Variants in XIRP2 observed in about 807,000 individuals in gnomAD.
XIRP2 encodes the protein xin actin binding repeat containing 2, also known as xin actin-binding repeat-containing protein 2.
In XIRP2, 236 loss-of-function variants were observed where a neutral mutation model predicts 277.0. The observed-to-expected ratio is 0.85, with a 90% confidence interval of 0.77 to 0.95. The LOEUF (loss-of-function observed/expected upper bound fraction) is 0.95, where lower values mean the gene tolerates loss of function less well. Among genes scored for constraint, XIRP2 ranks in the 40% least tolerant of loss-of-function variants. The pLI, the probability that XIRP2 is intolerant of heterozygous loss-of-function variation, is 0.00. For missense variants in XIRP2, 4,640 were observed against 4,157.5 expected (o/e 1.12, Z -3.19); for synonymous variants, 1,490 against 1,416.5 (o/e 1.05, Z -1.17).
chr2:167,020,492 A>G (rs1428497946), intron 2 of XIRP2, among the ~76,000 whole-genome samples: 1 of 152,050 alleles, frequency 6.6e-6, no homozygotes, highest in Non-Finnish European at 1.5e-5. Flanking sequence ...AACACCATGT[A>G]TTATATAAAC....
intron 5 of XIRP2, among the ~76,000 whole-genome samples, chr2:167,223,385 G>A (rs370939843): frequency 4.6e-5 from 7 of 152,078 alleles, no homozygotes; most frequent in African/African-American, 9.7e-5. Context: ...ACTCTGATGC[G>A]CTGAGTGACA....
intron 2 of XIRP2, among the ~76,000 whole-genome samples, chr2:166,965,733 A>G (rs910434327): frequency 4.0e-5 from 6 of 151,730 alleles, no homozygotes; most frequent in African/African-American, 1.5e-4. Context: ...ACAAGCATGC[A>G]CCACTATGCC....
At chr2:167,048,041 A>G (rs1688829171) in intron 2 of XIRP2, among the ~76,000 whole-genome samples, 1 of 151,980 alleles carries the variant, frequency 6.6e-6, no homozygotes, top group South Asian at 2.1e-4. Flanking sequence ...TCTGAAAGAC[A>G]TTAACTACCT....
At chr2:167,093,153 C>T (rs74920309) in intron 2 of XIRP2, among the ~76,000 whole-genome samples, 2,217 of 151,516 alleles carry the variant, frequency 0.015, 62 homozygotes, top group African/African-American at 0.051. Flanking sequence ...ATAATAGATG[C>T]GTAATCAATG....
intron 2 of XIRP2, among the ~76,000 whole-genome samples, chr2:167,025,375 G>A (rs913304527): frequency 5.1e-4 from 78 of 152,014 alleles, no homozygotes; most frequent in South Asian, 8.3e-4. Context: ...CTAGCGGTCT[G>A]TCAATTTTGT....
chr2:166,937,676 G>A (rs1462124435), intron 2 of XIRP2, among the ~76,000 whole-genome samples: 1 of 152,172 alleles, frequency 6.6e-6, no homozygotes, highest in Non-Finnish European at 1.5e-5. Context: ...AATCGTACCA[G>A]CTCCTCCTTG....
At chr2:167,004,407 A>G (rs1288464408) in intron 2 of XIRP2, among the ~76,000 whole-genome samples, 2 of 151,930 alleles carry the variant, frequency 1.3e-5, no homozygotes, top group Admixed American at 6.6e-5. Flanking sequence ...ACTATTTGCC[A>G]GACATTCTAT....
intron 3 of XIRP2, among the ~76,000 whole-genome samples, chr2:167,181,516 T>C (rs1693007268): frequency 6.6e-6 from 1 of 152,196 alleles, no homozygotes; most frequent in South Asian, 2.1e-4. Flanking sequence ...TAGTAATTAA[T>C]GTTATTTTTT....
At chr2:167,062,397 C>T (rs555419334) in intron 2 of XIRP2, among the ~76,000 whole-genome samples, 14 of 152,288 alleles carry the variant, frequency 9.2e-5, no homozygotes, top group Non-Finnish European at 1.8e-4. Context: ...ACTTTTTATA[C>T]TTTCCTCAGT....
rs559626310 is a variant in XIRP2 at position 167,246,843 on chromosome 2, T to G, written c.5451T>G (p.Val1817=). ...TCCCTGGAGATGTGCATAACACAGTTAAGGTTTTTATGACCGAGCCTCAGA... is the reference window on the plus strand; with the variant it reads ...TCCCTGGAGATGTGCATAACACAGTGAAGGTTTTTATGACCGAGCCTCAGA... ...DIIPGDVHNT[V]KVFMTEPQST... The change falls in exon 9 of 11, where the codon GTT becomes GTG. Residue 1817 remains valine, a synonymous_variant. Coordinates refer to ENST00000409195, the MANE Select transcript of XIRP2 (RefSeq NM_152381.6). 1 of 1,613,852 alleles carries G rather than the reference T, an allele frequency of 6.2e-7. No individual in the cohort carries two copies. Among genetic ancestry groups the G allele is most frequent in the South Asian group, 1.1e-5 (1 of 91,076 alleles).
chr2:167,247,448 C>G lies in XIRP2; in HGVS notation c.6056C>G (p.Pro2019Arg), dbSNP rs769123643. 6.2e-7 allele frequency: 1 copy of G among 1,613,598 alleles called. No individual in the cohort carries two copies. The highest frequency in any genetic ancestry group is 1.1e-5 in the South Asian group (1 of 91,066). The part of the protein sequence containing the change: ...LVEERTEVNL[P>R]KAPKGTVKIV... ...GAAGAAAGAACTGAGGTTAATCTTC[C>G]AAAAGCCCCCAAAGGCACTGTAAAG... Residue 2019 changes from proline to arginine, a missense_variant, in exon 9 of 11, where the codon CCA (proline) becomes CGA (arginine). By Grantham distance (103) the Pro-to-Arg change is moderately radical (BLOSUM62 -2). Coordinates refer to ENST00000409195, the MANE Select transcript of XIRP2 (RefSeq NM_152381.6).
chr2:166,896,289 G>C (rs1161302027), intron 1 of XIRP2, among the ~76,000 whole-genome samples: 1 of 152,062 alleles, frequency 6.6e-6, no homozygotes, highest in African/African-American at 2.4e-5. Flanking sequence ...GCCTCAGACA[G>C]GGTCTTCAGT....
At chr2:167,071,451 A>C (rs1244425457) in intron 2 of XIRP2, among the ~76,000 whole-genome samples, 1 of 152,222 alleles carries the variant, frequency 6.6e-6, no homozygotes, top group Non-Finnish European at 1.5e-5. Context: ...CAAGCCTGCC[A>C]AGACACCTGG....
intron 3 of XIRP2, among the ~76,000 whole-genome samples, chr2:167,149,057 T>C (rs780034102): frequency 2.0e-5 from 3 of 152,140 alleles, no homozygotes; most frequent in Middle Eastern, 3.4e-3. Flanking sequence ...ACTGTACACA[T>C]AGGAGTGAAA....
At chr2:167,026,962 GA>G (rs1180603361) in intron 2 of XIRP2, among the ~76,000 whole-genome samples, 1 of 152,056 alleles carries the variant, frequency 6.6e-6, no homozygotes, top group Non-Finnish European at 1.5e-5. Context: ...CAACTTTGGT[GA>G]ATCTGACAAT....
intron 2 of XIRP2, among the ~76,000 whole-genome samples, chr2:167,122,340 G>A (rs796372964): frequency 3.9e-5 from 6 of 152,246 alleles, no homozygotes; most frequent in African/African-American, 1.4e-4. Context: ...TGTAAAATGA[G>A]AGCACAGTAC....
intron 2 of XIRP2, among the ~76,000 whole-genome samples, chr2:166,928,474 T>A (rs1685245987): frequency 6.6e-6 from 1 of 152,118 alleles, no homozygotes; most frequent in South Asian, 2.1e-4. Context: ...TGCATTAACT[T>A]TTTCACTTTA....
In XIRP2 at chr2:167,219,984, T is replaced by G. The variant is rs1346752279; in HGVS notation, c.858+1684T>G. Among the ~76,000 whole-genome samples, 4 of 152,246 alleles carry G rather than the reference T, an allele frequency of 2.6e-5. No homozygotes were observed. In the South Asian group the frequency reaches 6.2e-4, roughly 24 times the overall value. ...ATTACAGGTTTACAAAAAATAGTCT[T>G]GGGGAAAGGAGATTTGATGTAAGCT... On this transcript the variant is annotated intron_variant, in intron 5 of 10. Transcript: ENST00000409195.
intron 5 of XIRP2, among the ~76,000 whole-genome samples, chr2:167,225,104 A>G (rs1694553749): frequency 1.3e-5 from 2 of 152,244 alleles, no homozygotes. Flanking sequence ...CTATATAGGT[A>G]TGTTGGAGCC....
Sources: gnomAD v4.1 joint callset for allele counts (sites outside exome capture counted in the v4.1 genomes callset) on GRCh38, gnomAD v4.1.1 for gene constraint, MANE v1.5 for transcripts, NCBI Gene and HGNC (gene_info 2026-07-23, HGNC 2026-07-21) for gene names.